DSC1: variants seen among roughly 807,000 people sequenced by gnomAD.
DSC1 encodes the protein desmocollin 1.
DSC1 carries 79 observed loss-of-function variants against 98.8 expected under a neutral mutation model. The observed-to-expected ratio is 0.80, with a 90% confidence interval of 0.67 to 0.96. The LOEUF (loss-of-function observed/expected upper bound fraction) is 0.96. DSC1 is among the 50% of genes least tolerant of loss of function. DSC1 has a pLI of 0.00. For missense variants in DSC1, 1,115 were observed against 1,075.9 expected, an observed-to-expected ratio of 1.04 and a Z score of -0.51; for synonymous variants, 405 against 372.1, an observed-to-expected ratio of 1.09 and a Z score of -1.02.
intron 11 of DSC1, 130 bp from the exon 12 acceptor site, chr18:31,134,914 G>T: frequency 2.6e-6 from 2 of 779,324 alleles, no homozygotes; most frequent in Non-Finnish European, 4.0e-6. Context: ...ATGCTTCCCA[G>T]ATTTCAGACA....
chr18:31,157,624 C>A (rs1235525218), intron 2 of DSC1, 51 bp from the exon 3 acceptor site: 3 of 1,599,560 alleles, frequency 1.9e-6, no homozygotes, highest in Non-Finnish European at 2.6e-6. Context: ...AGGAGTGGAA[C>A]AAGTTTTACA....
intron 13 of DSC1, 49 bp from the exon 14 acceptor site, chr18:31,132,738 A>G: frequency 6.5e-7 from 1 of 1,541,066 alleles, no homozygotes; most frequent in Non-Finnish European, 8.8e-7. Context: ...AAATCATTTG[A>G]TTACATGATT....
At chr18:31,138,754 G>GA (rs11404108) in intron 11 of DSC1, among the ~76,000 whole-genome samples, 98,037 of 150,580 alleles carry the variant, frequency 0.65, 33,854 homozygotes, top group Non-Finnish European at 0.78. Context: ...ATAGACACAG[G>GA]AAAAAAAAAC....
At chr18:31,152,180 A>AG (rs1989014315) in intron 5 of DSC1, among the ~76,000 whole-genome samples, 1 of 151,964 alleles carries the variant, frequency 6.6e-6, no homozygotes, top group Admixed American at 6.6e-5. Context: ...AACAAAAAAA[A>AG]ACAAGATAAT....
At chr18:31,146,993 G>A (rs182407956) in intron 6 of DSC1, among the ~76,000 whole-genome samples, 74 of 152,270 alleles carry the variant, frequency 4.9e-4, no homozygotes, top group African/African-American at 1.7e-3. Context: ...TTGTGAAACA[G>A]CAATATTATT....
chr18:31,151,596 G>C (rs1215540177), intron 5 of DSC1, among the ~76,000 whole-genome samples: 1 of 152,150 alleles, frequency 6.6e-6, no homozygotes, highest in Non-Finnish European at 1.5e-5. Flanking sequence ...TTGTGATATA[G>C]TTTCCTCTGA....
At chr18:31,143,251 G>T (rs913332715) in intron 8 of DSC1, among the ~76,000 whole-genome samples, 2 of 151,768 alleles carry the variant, frequency 1.3e-5, no homozygotes, top group Admixed American at 6.6e-5. Context: ...TACTGTCTCC[G>T]TAGGCTAGTT....
At chr18:31,138,579 G>A (rs1386643507) in intron 11 of DSC1, among the ~76,000 whole-genome samples, 1 of 150,628 alleles carries the variant, frequency 6.6e-6, no homozygotes, top group South Asian at 2.1e-4. Context: ...AAAAGTAGGG[G>A]TATAATATCT....
rs1463902822 is a variant in DSC1 at position 31,159,219 on chromosome 18, A to C, written c.148+226T>G. Among the ~76,000 whole-genome samples, 19 of 128,738 alleles carry C rather than the reference A, an allele frequency of 1.5e-4. 1 individual carries two copies. Among genetic ancestry groups the C allele is most frequent in the African/African-American group, 5.5e-4 (19 of 34,656 alleles). 84.5% of individuals were successfully genotyped at this position (128,738 alleles called of 152,430 possible). ...CAGGCGCCCGCCACCGCGCCCGGCTAATTTTTTGTATTTTTAGTAGAGACG... is the reference window on the plus strand; with the variant it reads ...CAGGCGCCCGCCACCGCGCCCGGCTCATTTTTTGTATTTTTAGTAGAGACG... On this transcript the variant is annotated intron_variant, in intron 2 of 15. Coordinates refer to ENST00000257198, the MANE Select transcript of DSC1 (RefSeq NM_024421.2).
At position 31,140,133 on chromosome 18, in the gene DSC1, C is replaced by A. The variant is rs773569598; in HGVS notation, c.1429G>T (p.Val477Phe). Residue 477 changes from valine (V) to phenylalanine (F), a missense_variant, in exon 10 of 16, where the codon GTT becomes TTT. Coordinates refer to ENST00000257198, the MANE Select transcript of DSC1 (RefSeq NM_024421.2). ...EGPECHPPVK[V>F]IQSQDGFPAG... ...GGGAAGCCATCTTGACTCTGAATAA[C>A]TTTCACTGGAGGGTGGCATTCAGGG... 6.2e-7 allele frequency: 1 copy of A among 1,614,002 alleles called. No homozygotes were observed. Among genetic ancestry groups the A allele is most frequent in the Admixed American group, 1.7e-5 (1 of 60,008 alleles).
chr18:31,131,142 A>T (rs546686102), intron 15 of DSC1, among the ~76,000 whole-genome samples: 94 of 152,376 alleles, frequency 6.2e-4, no homozygotes, highest in African/African-American at 2.0e-3. Flanking sequence ...TAATCTGAAC[A>T]TAAAACAAAA....
Position 31,157,431 on chromosome 18 carries a change from T to C in DSC1, c.291A>G (p.Ser97=), listed in dbSNP as rs1373510986. ...CTTGTTGTTCCCGTCTCTGACCATC[T>C]GAAAGGAAAATGGAAAAACTTTTCC... ...SERKSFSIFL[S]DGQRREQQEI... is the part of the protein sequence containing the mutation. Residue 97 remains serine, a synonymous_variant, in exon 3 of 16, where the codon TCA becomes TCG. Transcript: ENST00000257198. 6.2e-7 allele frequency: 1 copy of C among 1,614,108 alleles called. No homozygotes were observed. The highest frequency in any genetic ancestry group is 8.5e-7 in the Non-Finnish European group (1 of 1,180,046).
chr18:31,130,820 T>C (rs1598610733), intron 15 of DSC1, 109 bp from the exon 16 acceptor site: 1 of 1,612,574 alleles, frequency 6.2e-7, no homozygotes. Flanking sequence ...TTAATCAGAG[T>C]GTGTCCTCTA....
chr18:31,131,164 A>T (rs538724793), intron 15 of DSC1, among the ~76,000 whole-genome samples: 2 of 152,338 alleles, frequency 1.3e-5, no homozygotes, highest in East Asian at 3.9e-4. Context: ...AAGGAACTAA[A>T]ACTCAAAATA....
At chr18:31,148,797 T>A (rs965840613) in intron 5 of DSC1, among the ~76,000 whole-genome samples, 155 bp from the exon 6 acceptor site, 8 of 152,118 alleles carry the variant, frequency 5.3e-5, no homozygotes, top group African/African-American at 1.7e-4. Flanking sequence ...AACCCACAGA[T>A]GCAGTCTCTG....
At chr18:31,154,201 C>T (rs983861793) in intron 5 of DSC1, among the ~76,000 whole-genome samples, 1 of 151,324 alleles carries the variant, frequency 6.6e-6, no homozygotes, top group African/African-American at 2.4e-5. Flanking sequence ...AATTGATAAA[C>T]TTGTTCTGGG....
At chr18:31,131,898 AT>A in intron 14 of DSC1, 56 bp from the exon 15 acceptor site, 1 of 1,592,388 alleles carries the variant, frequency 6.3e-7, no homozygotes, top group East Asian at 2.2e-5. Context: ...CTAACAATTC[AT>A]TTTCATTTTT....
rs765807646 is a variant in DSC1 at position 31,131,825 on chromosome 18, G to T, written c.2256C>A (p.Leu752=). The change falls in exon 15 of 16, where the codon CTC becomes CTA. Residue 752 remains leucine, a synonymous_variant. Coordinates refer to ENST00000257198, the MANE Select transcript of DSC1 (RefSeq NM_024421.2). The part of the protein sequence containing the change: ...GEEVTEANIR[L]PMQTSNICDT... Reference sequence around the variant, plus strand: ...CACAAATGTTGGATGTCTGCATGGGGAGTCTAATATTTGCTTCCTAAAAGT... The same window carrying T: ...CACAAATGTTGGATGTCTGCATGGGTAGTCTAATATTTGCTTCCTAAAAGT... 7 of 1,613,922 alleles carry T rather than the reference G, an allele frequency of 4.3e-6. No homozygotes were observed. The highest frequency in any genetic ancestry group is 4.5e-5 in the East Asian group (2 of 44,892).
At position 31,133,652 on chromosome 18, in the gene DSC1, C is replaced by G. The variant is rs933730816; in HGVS notation, c.2116+239G>C. Among the ~76,000 whole-genome samples, 6 of 151,808 alleles carry G rather than the reference C, an allele frequency of 4.0e-5. No homozygotes were observed. In the East Asian group the frequency reaches 1.2e-3, roughly 29 times the overall value. On this transcript the variant is annotated intron_variant, in intron 13 of 15. Transcript: ENST00000257198. ...GTTCAAAAAGGAGGAAATAATTTAC[C>G]CAATGTCTCACAGATAATTATTGAA...
Sources: gnomAD v4.1 joint callset for allele counts (sites outside exome capture counted in the v4.1 genomes callset) on GRCh38, gnomAD v4.1.1 for gene constraint, MANE v1.5 for transcripts, NCBI Gene and HGNC (gene_info 2026-07-23, HGNC 2026-07-21) for gene names.